The following TANC2 variants were observed in gnomAD, a reference collection of about 807,000 sequenced individuals.
TANC2 encodes tetratricopeptide repeat, ankyrin repeat and coiled-coil containing 2, also known as protein TANC2.
In TANC2, 26 loss-of-function variants were observed where a neutral mutation model predicts 210.5. The observed-to-expected ratio is 0.12, with a 90% CI of 0.09 to 0.17. The LOEUF (loss-of-function observed/expected upper bound fraction) is 0.17. Among genes scored for constraint, TANC2 ranks in the 10% least tolerant of loss-of-function variants. The pLI, the probability that TANC2 is intolerant of heterozygous loss-of-function variation, is 1.00. For synonymous variants in TANC2, 931 were observed against 967.1 expected (o/e 0.96, Z 0.69); for missense variants, 2,129 against 2,608.9 (o/e 0.82, Z 4.01).
intron 2 of TANC2, among the ~76,000 whole-genome samples, chr17:63,062,605 G>C (rs2036035218): frequency 6.6e-6 from 1 of 152,062 alleles, no homozygotes. Context: ...TTGCATTCTA[G>C]TGATTGCCAG....
At chr17:63,030,048 A>G (rs2034706768) in intron 2 of TANC2, among the ~76,000 whole-genome samples, 1 of 152,146 alleles carries the variant, frequency 6.6e-6, no homozygotes, top group African/African-American at 2.4e-5. Context: ...TTTGCATTAT[A>G]TCCTTAAAGC....
intron 17 of TANC2, chr17:63,390,170 A>G (rs1216347916): frequency 6.6e-6 from 1 of 152,668 alleles, no homozygotes; most frequent in East Asian, 1.9e-4. Flanking sequence ...GTGAAAAGAA[A>G]AATGCTGGTC....
chr17:62,977,720 C>T (rs1247540794), intron 1 of TANC2, among the ~76,000 whole-genome samples: 2 of 151,938 alleles, frequency 1.3e-5, no homozygotes, highest in East Asian at 1.9e-4. Flanking sequence ...AATACATCTG[C>T]TTGCAACCAC....
intron 11 of TANC2, 114 bp downstream of exon 11, chr17:63,319,204 A>G: frequency 9.4e-7 from 1 of 1,066,238 alleles, no homozygotes; most frequent in South Asian, 1.7e-5. Flanking sequence ...ATACCATGAG[A>G]ACGTGGAGGA....
At chr17:63,397,159 C>A (rs2048191124) in intron 18 of TANC2, among the ~76,000 whole-genome samples, 1 of 151,992 alleles carries the variant, frequency 6.6e-6, no homozygotes, top group Admixed American at 6.6e-5. Flanking sequence ...CCTGTAATCC[C>A]AGCTACTCGG....
chr17:63,176,659 A>G (rs1386665898), intron 5 of TANC2, among the ~76,000 whole-genome samples: 1 of 152,016 alleles, frequency 6.6e-6, no homozygotes, highest in African/African-American at 2.4e-5. Flanking sequence ...ACAAAAAATT[A>G]GCCGGGTGTG....
rs576684481 is a variant in TANC2, at chr17:63,200,827, C to T, written c.639C>T (p.Ala213=). 25 of 1,613,686 alleles carry T rather than the reference C, an allele frequency of 1.5e-5. No homozygotes were observed. Among genetic ancestry groups the T allele is most frequent in the Non-Finnish European group, 1.9e-5 (23 of 1,179,838 alleles). ...GTTCCACTCTGACTAGCAGCACTGC[C>T]TCTCCACCAGCCAGTAGCCCCTGCT... The change falls in exon 7 of 28, where the codon GCC becomes GCT. Residue 213 remains alanine (A), a synonymous_variant. Transcript: ENST00000689528.
intron 1 of TANC2, among the ~76,000 whole-genome samples, chr17:63,007,337 T>C (rs191941647): frequency 3.3e-5 from 5 of 152,342 alleles, no homozygotes; most frequent in East Asian, 1.9e-4. Context: ...TTGCCTGATA[T>C]TGGCATAGTG....
chr17:63,193,926 A>C, intron 5 of TANC2, 65 bp from the exon 6 acceptor site: 1 of 1,461,108 alleles, frequency 6.8e-7, no homozygotes, highest in East Asian at 2.5e-5. Context: ...GAATGTACAA[A>C]TAGTTGCAGA....
At chr17:63,121,997 G>T (rs540200172) in intron 4 of TANC2, among the ~76,000 whole-genome samples, 1 of 144,774 alleles carries the variant, frequency 6.9e-6, no homozygotes, top group Non-Finnish European at 1.5e-5. Flanking sequence ...AGGGGGAGGG[G>T]AGGGTGCATA....
At chr17:63,123,468 A>C (rs1002970366) in intron 4 of TANC2, among the ~76,000 whole-genome samples, 2 of 151,000 alleles carry the variant, frequency 1.3e-5, no homozygotes, top group African/African-American at 4.9e-5. Flanking sequence ...CTGAGGCAGG[A>C]GAGTTGCTTG....
intron 4 of TANC2, among the ~76,000 whole-genome samples, chr17:63,140,659 A>C (rs1032040743): frequency 6.6e-6 from 1 of 152,210 alleles, no homozygotes; most frequent in Non-Finnish European, 1.5e-5. Context: ...CCACTGCGCT[A>C]TGTAATTCAG....
At chr17:63,166,372 T>C (rs1262465238) in intron 5 of TANC2, among the ~76,000 whole-genome samples, 3 of 152,232 alleles carry the variant, frequency 2.0e-5, no homozygotes, top group Non-Finnish European at 4.4e-5. Context: ...TATCTGTGTA[T>C]GTCTAAGTTA....
chr17:63,310,637 G>A (rs894520139), intron 9 of TANC2, among the ~76,000 whole-genome samples: 4 of 152,026 alleles, frequency 2.6e-5, no homozygotes, highest in African/African-American at 9.7e-5. Context: ...GCCATGAACA[G>A]GCAATTCACA....
chr17:63,389,819 A>G (rs780779585), intron 17 of TANC2: 21 of 423,170 alleles, frequency 5.0e-5, no homozygotes, highest in African/African-American at 2.0e-4. Flanking sequence ...GAAATGATCT[A>G]TTGAGCTCAG....
At chr17:63,287,058 C>T (rs753375388) in intron 9 of TANC2, among the ~76,000 whole-genome samples, 6 of 152,002 alleles carry the variant, frequency 3.9e-5, no homozygotes, top group African/African-American at 7.3e-5. Context: ...TTCAGCCTCC[C>T]GAGTAGCTGC....
intron 8 of TANC2, among the ~76,000 whole-genome samples, chr17:63,251,166 A>G (rs1006873336): frequency 6.6e-6 from 1 of 152,188 alleles, no homozygotes; most frequent in Non-Finnish European, 1.5e-5. Context: ...AGGAAGGCAG[A>G]CATGTAAACA....
At chr17:63,142,728 C>G (rs1018520429) in intron 4 of TANC2, among the ~76,000 whole-genome samples, 2 of 151,830 alleles carry the variant, frequency 1.3e-5, no homozygotes, top group African/African-American at 4.8e-5. Flanking sequence ...ATTGTTGTAA[C>G]CATAAAATTT....
intron 8 of TANC2, among the ~76,000 whole-genome samples, chr17:63,246,092 G>A (rs189418692): frequency 6.6e-6 from 1 of 151,860 alleles, no homozygotes; most frequent in East Asian, 1.9e-4. Flanking sequence ...AGAAATAGCA[G>A]TCCTAGGAAA....
Sources: gnomAD v4.1 joint callset for allele counts (sites outside exome capture counted in the v4.1 genomes callset) on GRCh38, gnomAD v4.1.1 for gene constraint, MANE v1.5 for transcripts, NCBI Gene and HGNC (gene_info 2026-07-23, HGNC 2026-07-21) for gene names.